GRIK2: variants seen among roughly 807,000 people sequenced by gnomAD.
GRIK2 encodes glutamate receptor ionotropic, kainate 2.
GRIK2 carries 32 observed loss-of-function variants against 100.3 expected under a neutral mutation model. The observed-to-expected ratio is 0.32, with a 90% CI of 0.24 to 0.43. The LOEUF (loss-of-function observed/expected upper bound fraction) is 0.43, where lower values mean the gene tolerates loss of function less well. Among genes scored for constraint, GRIK2 ranks in the 20% least tolerant of loss-of-function variants. GRIK2 has a pLI of 1.00. For missense variants in GRIK2, 843 were observed against 1,114.9 expected, an observed-to-expected ratio of 0.76 and a Z score of 3.47; for synonymous variants, 417 against 389.4, an observed-to-expected ratio of 1.07 and a Z score of -0.83.
At chr6:101,538,795 G>A (rs1775846804) in intron 2 of GRIK2, among the ~76,000 whole-genome samples, 1 of 151,524 alleles carries the variant, frequency 6.6e-6, no homozygotes, top group Non-Finnish European at 1.5e-5. Flanking sequence ...GGACAAATGG[G>A]TTCCGAATAA....
intron 2 of GRIK2, among the ~76,000 whole-genome samples, chr6:101,472,972 T>G (rs922306818): frequency 1.3e-5 from 2 of 151,746 alleles, no homozygotes; most frequent in South Asian, 4.1e-4. Flanking sequence ...TCATGTCTTG[T>G]GTCTACTTGG....
rs935456668 is a variant in GRIK2, at chr6:101,993,701, T to G, written c.2086-41640T>G. ...TTAGAAATATGTACATATTTATCTATCTATGCATAGATACTATTTCTTGAA... is the reference window on the plus strand; with the variant it reads ...TTAGAAATATGTACATATTTATCTAGCTATGCATAGATACTATTTCTTGAA... On this transcript the variant is annotated intron_variant, in intron 14 of 16. Transcript: ENST00000369134. 4.0e-5 allele frequency: 6 copies of G among 150,168 alleles called. No individual in the cohort carries two copies. In the South Asian group the frequency reaches 8.4e-4, roughly 21 times the overall value. The allele number at this position is 150,168 out of a possible 1,614,324, so 9.3% of individuals were successfully genotyped here.
At chr6:101,668,942 A>G (rs1439342359) in intron 4 of GRIK2, among the ~76,000 whole-genome samples, 1 of 152,200 alleles carries the variant, frequency 6.6e-6, no homozygotes, top group Non-Finnish European at 1.5e-5. Context: ...CTGTCCCTGT[A>G]AGATAAAGAC....
At chr6:101,889,609 T>TC (rs1786905895) in intron 11 of GRIK2, 31 bp from the exon 12 acceptor site, 2 of 887,408 alleles carry the variant, frequency 2.3e-6, no homozygotes, top group African/African-American at 3.4e-5. Flanking sequence ...TTCTTTCTTT[T>TC]TTTTTTTTTT....
chr6:101,841,226 G>A (rs1047120646), intron 10 of GRIK2, among the ~76,000 whole-genome samples: 2 of 152,090 alleles, frequency 1.3e-5, no homozygotes, highest in South Asian at 2.1e-4. Flanking sequence ...AGTTCTGATA[G>A]GTATAAATAT....
intron 2 of GRIK2, among the ~76,000 whole-genome samples, chr6:101,516,850 A>T (rs989635915): frequency 1.3e-5 from 2 of 152,108 alleles, no homozygotes; most frequent in African/African-American, 4.8e-5. Flanking sequence ...TAATATATAT[A>T]TATGTTCAGT....
At chr6:101,782,421 CT>C (rs1384835162) in intron 7 of GRIK2, among the ~76,000 whole-genome samples, 2 of 152,156 alleles carry the variant, frequency 1.3e-5, no homozygotes, top group African/African-American at 4.8e-5. Context: ...TGAGACCAAC[CT>C]TTCCATAGCC....
At position 101,891,151 on chromosome 6, in the gene GRIK2, A is replaced by G. The variant is rs138478214; in HGVS notation, c.1748+1288A>G. Among the ~76,000 whole-genome samples, 481 of 151,876 alleles carry G rather than the reference A, an allele frequency of 3.2e-3. 1 individual carries two copies. Among genetic ancestry groups the G allele is most frequent in the African/African-American group, 0.011 (468 of 41,490 alleles). ...AATTAAACTTTTTTTTTTCCAATGA[A>G]GTAATGTATTTTTTTTCTAGCCATA... On this transcript the variant is annotated intron_variant, in intron 12 of 16. Coordinates refer to ENST00000369134, the MANE Select transcript of GRIK2 (RefSeq NM_021956.5).
chr6:101,451,312 A>T (rs1473484592), intron 2 of GRIK2, among the ~76,000 whole-genome samples: 1 of 151,760 alleles, frequency 6.6e-6, no homozygotes, highest in African/African-American at 2.4e-5. Flanking sequence ...GATGCTATAT[A>T]GTACTCCTTG....
intron 4 of GRIK2, among the ~76,000 whole-genome samples, chr6:101,672,379 C>T (rs1384967776): frequency 6.6e-6 from 1 of 152,110 alleles, no homozygotes; most frequent in East Asian, 1.9e-4. Flanking sequence ...TCCAGATGCC[C>T]AACCAGAAGT....
rs1450910333 is a variant in GRIK2, at chr6:101,633,073, G to A, written c.541+6436G>A. ...TGAGTAACAGAAACAAGGAAGATGA[G>A]GAATGATCAATGGATTTTATAAAAA... is the stretch of plus-strand genomic sequence containing the variant. On this transcript the variant is annotated intron_variant, in intron 4 of 16. Coordinates refer to ENST00000369134, the MANE Select transcript of GRIK2 (RefSeq NM_021956.5). Among the ~76,000 whole-genome samples the A allele has an allele frequency of 3.3e-5, 5 of 152,144 alleles. No individual in the cohort carries two copies. In the East Asian group the frequency reaches 9.7e-4, roughly 29 times the overall value.
chr6:101,791,166 A>T (rs895455706), intron 7 of GRIK2, among the ~76,000 whole-genome samples: 1 of 152,006 alleles, frequency 6.6e-6, no homozygotes, highest in African/African-American at 2.4e-5. Flanking sequence ...CAGCTCCTGG[A>T]TTCATTAATT....
intron 4 of GRIK2, among the ~76,000 whole-genome samples, chr6:101,658,302 T>C (rs1213037425): frequency 6.6e-6 from 1 of 152,172 alleles, no homozygotes; most frequent in Non-Finnish European, 1.5e-5. Context: ...GAACATGCAG[T>C]GTTTGGTATT....
chr6:102,010,384 T>C (rs547770957), intron 14 of GRIK2, among the ~76,000 whole-genome samples: 38 of 151,128 alleles, frequency 2.5e-4, no homozygotes, highest in African/African-American at 9.2e-4. Flanking sequence ...TTCTTCTTTT[T>C]CTTTTTTCTT....
chr6:101,486,348 C>G (rs918324083), intron 2 of GRIK2, among the ~76,000 whole-genome samples: 1 of 122,658 alleles, frequency 8.2e-6, no homozygotes, highest in East Asian at 2.3e-4. Context: ...TGTCTGTAGC[C>G]GAACTTGAAA....
At chr6:101,870,537 C>G (rs933200330) in intron 11 of GRIK2, among the ~76,000 whole-genome samples, 10 of 151,792 alleles carry the variant, frequency 6.6e-5, no homozygotes, top group African/African-American at 2.4e-4. Flanking sequence ...TTTCATAGCA[C>G]TTGCCACAAT....
chr6:101,577,156 T>C (rs569957772), intron 2 of GRIK2, among the ~76,000 whole-genome samples: 1 of 142,868 alleles, frequency 7.0e-6, no homozygotes, highest in South Asian at 2.2e-4. Flanking sequence ...TAGTTGCATA[T>C]GGATACAAAA....
chr6:102,053,927 C>A (rs900993550), intron 15 of GRIK2, among the ~76,000 whole-genome samples: 2 of 152,182 alleles, frequency 1.3e-5, no homozygotes, highest in Middle Eastern at 3.4e-3. Context: ...GGTTAAGGGG[C>A]AGAATTTACA....
At chr6:101,647,815 A>AATC (rs1781601647) in intron 4 of GRIK2, among the ~76,000 whole-genome samples, 2 of 152,220 alleles carry the variant, frequency 1.3e-5, no homozygotes, top group East Asian at 3.9e-4. Flanking sequence ...CTAGTATATT[A>AATC]ATCATTCAGT....
Sources: allele counts gnomAD v4.1 joint callset (sites outside exome capture counted in the v4.1 genomes callset), GRCh38; gene constraint gnomAD v4.1.1; transcripts MANE v1.5; gene names NCBI Gene and HGNC (gene_info 2026-07-23, HGNC 2026-07-21).